The following MYO1D variants were observed in gnomAD, a reference collection of about 807,000 sequenced individuals.
MYO1D encodes the protein myosin ID.
MYO1D carries 83 observed loss-of-function variants against 122.0 expected under a neutral mutation model. That is an observed-to-expected ratio of 0.68 (90% confidence interval 0.57 to 0.82). MYO1D has a LOEUF of 0.82. MYO1D is among the 40% of genes least tolerant of loss of function. The pLI is 0.00. For missense variants in MYO1D, 1,157 were observed against 1,269.5 expected, an observed-to-expected ratio of 0.91 and a Z score of 1.35; for synonymous variants, 464 against 446.9, an observed-to-expected ratio of 1.04 and a Z score of -0.48.
intron 21 of MYO1D, among the ~76,000 whole-genome samples, chr17:32,573,105 G>A (rs1285570923): frequency 6.6e-6 from 1 of 152,098 alleles, no homozygotes. Context: ...TCGGTGTTCT[G>A]TAGCCTTAAT....
At chr17:32,811,616 CTTTTTTTT>C (rs755189217) in intron 1 of MYO1D, among the ~76,000 whole-genome samples, 4 of 57,502 alleles carry the variant, frequency 7.0e-5, no homozygotes, top group African/African-American at 1.2e-4. Context: ...CCCTCACCCT[CTTTTTTTT>C]TTTTTTTTTT....
At chr17:32,818,244 T>G (rs1211791855) in intron 1 of MYO1D, among the ~76,000 whole-genome samples, 1 of 152,022 alleles carries the variant, frequency 6.6e-6, no homozygotes, top group Non-Finnish European at 1.5e-5. Context: ...ACCTCTATCC[T>G]GCAAATAGTC....
intron 2 of MYO1D, among the ~76,000 whole-genome samples, chr17:32,779,144 C>T (rs149130613): frequency 1.0e-3 from 155 of 152,236 alleles, no homozygotes; most frequent in African/African-American, 3.6e-3. Context: ...TTTGAAGTAT[C>T]TTCGAAATGT....
intron 1 of MYO1D, among the ~76,000 whole-genome samples, chr17:32,831,495 A>C (rs1276572966): frequency 6.6e-6 from 1 of 152,254 alleles, no homozygotes; most frequent in Non-Finnish European, 1.5e-5. Context: ...TGAGATACTT[A>C]GTAATCCAAC....
intron 21 of MYO1D, among the ~76,000 whole-genome samples, chr17:32,575,401 G>T (rs116477223): frequency 1.9e-4 from 29 of 152,296 alleles, no homozygotes; most frequent in African/African-American, 6.7e-4. Context: ...TGAAAATTTT[G>T]AAAGAGTAAA....
At chr17:32,646,293 TG>T (rs1378585821) in intron 19 of MYO1D, among the ~76,000 whole-genome samples, 2 of 152,134 alleles carry the variant, frequency 1.3e-5, no homozygotes, top group African/African-American at 4.8e-5. Flanking sequence ...TACTATCACT[TG>T]TATGAATCTT....
intron 13 of MYO1D, among the ~76,000 whole-genome samples, chr17:32,738,597 T>C (rs1161533585): frequency 2.0e-5 from 3 of 152,222 alleles, no homozygotes; most frequent in Non-Finnish European, 4.4e-5. Context: ...TTTTCCAAAC[T>C]ATAGCATATT....
intron 16 of MYO1D, among the ~76,000 whole-genome samples, chr17:32,675,460 T>C (rs867531083): frequency 4.6e-5 from 7 of 152,276 alleles, no homozygotes; most frequent in Middle Eastern, 3.4e-3. Context: ...TTCCTAAATG[T>C]TTTATAACAC....
At chr17:32,852,761 A>G (rs1290261481) in intron 1 of MYO1D, among the ~76,000 whole-genome samples, 1 of 152,184 alleles carries the variant, frequency 6.6e-6, no homozygotes, top group African/African-American at 2.4e-5. Flanking sequence ...TACAAGAATC[A>G]TGTATTTATA....
intron 1 of MYO1D, among the ~76,000 whole-genome samples, chr17:32,814,206 T>A (rs2090595230): frequency 1.3e-5 from 2 of 152,104 alleles, no homozygotes; most frequent in South Asian, 4.1e-4. Flanking sequence ...TAGCTGGGTG[T>A]GGTGGTGTGC....
At chr17:32,677,445 T>C (rs1044092707) in intron 16 of MYO1D, among the ~76,000 whole-genome samples, 1 of 151,930 alleles carries the variant, frequency 6.6e-6, no homozygotes. Context: ...AAATGTTCCA[T>C]GTGAGTGGTG....
intron 1 of MYO1D, among the ~76,000 whole-genome samples, chr17:32,857,767 A>G (rs1462570869): frequency 6.6e-6 from 1 of 152,120 alleles, no homozygotes; most frequent in East Asian, 1.9e-4. Flanking sequence ...CTTAATCAAT[A>G]AAGGCCTTCC....
chr17:32,813,225 T>C (rs1340497919), intron 1 of MYO1D, among the ~76,000 whole-genome samples: 1 of 152,220 alleles, frequency 6.6e-6, no homozygotes. Flanking sequence ...TAACAAATAT[T>C]TTTTGTGCTA....
At chr17:32,725,822 G>A (rs1647886353) in intron 14 of MYO1D, among the ~76,000 whole-genome samples, 1 of 151,968 alleles carries the variant, frequency 6.6e-6, no homozygotes, top group Non-Finnish European at 1.5e-5. Flanking sequence ...ACATCATAGT[G>A]AAACTTCTGA....
At chr17:32,772,865 G>T (rs771740164) in intron 4 of MYO1D, 23 bp from the exon 5 acceptor site, 2 of 1,606,086 alleles carry the variant, frequency 1.2e-6, no homozygotes, top group South Asian at 1.1e-5. Flanking sequence ...ACATTAAAAT[G>T]GTTAACCCGA....
At chr17:32,628,398 T>C (rs1480276946) in intron 20 of MYO1D, among the ~76,000 whole-genome samples, 2 of 152,238 alleles carry the variant, frequency 1.3e-5, no homozygotes, top group East Asian at 3.8e-4. Context: ...GTGAGAACAG[T>C]GTTTGCTGAA....
chr17:32,659,864 G>T (rs758453468), intron 16 of MYO1D, among the ~76,000 whole-genome samples: 1 of 152,024 alleles, frequency 6.6e-6, no homozygotes, highest in Admixed American at 6.6e-5. Context: ...ATGGGTAAAG[G>T]GTAAATCAGA....
intron 17 of MYO1D, among the ~76,000 whole-genome samples, 169 bp from the exon 18 acceptor site, chr17:32,654,790 G>A (rs1341281047): frequency 6.6e-6 from 1 of 151,830 alleles, no homozygotes; most frequent in Non-Finnish European, 1.5e-5. Flanking sequence ...TGATTCTTCT[G>A]CCTCAGCCTC....
At chr17:32,682,631 T>A (rs1237694015) in intron 16 of MYO1D, among the ~76,000 whole-genome samples, 1 of 144,722 alleles carries the variant, frequency 6.9e-6, no homozygotes, top group Admixed American at 6.8e-5. Flanking sequence ...GCTGTTAGTC[T>A]GATGGGCTTC....
Sources: gnomAD v4.1 joint callset for allele counts (sites outside exome capture counted in the v4.1 genomes callset) on GRCh38, gnomAD v4.1.1 for gene constraint, MANE v1.5 for transcripts, NCBI Gene and HGNC (gene_info 2026-07-23, HGNC 2026-07-21) for gene names.